The following LDHA variants were observed in gnomAD, a reference collection of about 807,000 sequenced individuals.
LDHA encodes L-lactate dehydrogenase A chain.
In LDHA, 10 loss-of-function variants were observed where a neutral mutation model predicts 36.3. The observed-to-expected ratio is 0.28, with a 90% CI of 0.17 to 0.47. LDHA has a LOEUF of 0.47. Among genes scored for constraint, LDHA ranks in the 20% least tolerant of loss-of-function variants. The probability of loss-of-function intolerance (pLI) is 0.99; values close to 1 mark genes in which losing one functional copy is unlikely to be tolerated. For missense variants in LDHA, 267 were observed against 405.8 expected, an observed-to-expected ratio of 0.66 and a Z score of 2.94; for synonymous variants, 110 against 136.7, an observed-to-expected ratio of 0.80 and a Z score of 1.36.
In LDHA at chr11:18,401,039, C is replaced by T. The variant is rs772003722; in HGVS notation, c.418+29C>T. The T allele has an allele frequency of 7.9e-6, 12 of 1,516,070 alleles. No homozygotes were observed. In the South Asian group the frequency reaches 1.2e-4, roughly 16 times the overall value. The allele number at this position is 1,516,070 out of a possible 1,614,324, so 93.9% of individuals were successfully genotyped here. A position where few individuals can be genotyped will look rare whatever the true frequency, so the allele number is the denominator to read the frequency against. ...AGGCTTTTGACTGCATAAAAATTGACAAGCTATAGTAAAACTGATAGTATA... is the reference window on the plus strand; with the variant it reads ...AGGCTTTTGACTGCATAAAAATTGATAAGCTATAGTAAAACTGATAGTATA... On this transcript the variant is annotated intron_variant, in intron 4 of 7. Transcript: ENST00000422447.
intron 1 of LDHA, chr11:18,396,195 C>G (rs991693077): frequency 4.3e-6 from 1 of 232,346 alleles, no homozygotes; most frequent in Non-Finnish European, 8.3e-6. Flanking sequence ...CTAGACTAAT[C>G]GGCTTCGCCC....
intron 1 of LDHA, chr11:18,395,182 T>C (rs1866251535): frequency 1.2e-5 from 2 of 163,396 alleles, no homozygotes; most frequent in Admixed American, 1.1e-4. Context: ...TGCGCATTTA[T>C]TAAGAAGCTA....
intron 2 of LDHA, 66 bp downstream of exon 2, chr11:18,397,034 C>G: frequency 7.3e-7 from 1 of 1,363,562 alleles, no homozygotes; most frequent in Admixed American, 1.7e-5. Flanking sequence ...CACTCCTACC[C>G]CTAGAACTGT....
At chr11:18,401,842 T>C (rs1866515882) in intron 4 of LDHA, among the ~76,000 whole-genome samples, 1 of 151,968 alleles carries the variant, frequency 6.6e-6, no homozygotes. Flanking sequence ...TTTTTGTTTT[T>C]TAATAATTTT....
chr11:18,402,964 C>T lies in LDHA; in HGVS notation c.543C>T (p.His181=), dbSNP rs751021921. 29 of 1,613,114 alleles carry T rather than the reference C, an allele frequency of 1.8e-5. 2 individuals carry two copies. In the South Asian group the frequency reaches 3.2e-4, roughly 18 times the overall value. ...TAATGGGGGAAAGGCTGGGAGTTCA[C>T]CCATTAAGCTGTCATGGGTGGGTCC... is the stretch of plus-strand genomic sequence containing the variant. ...RYLMGERLGV[H]PLSCHGWVLG... The change falls in exon 5 of 8, where the codon CAC becomes CAT. Residue 181 remains histidine, a synonymous_variant. Transcript: ENST00000422447.
chr11:18,399,745 C>T, intron 3 of LDHA, 197 bp downstream of exon 3: 1 of 566,422 alleles, frequency 1.8e-6, no homozygotes, highest in Non-Finnish European at 3.2e-6. Flanking sequence ...ATAGGGTATG[C>T]TACCATGCCC....
rs563227227 is a variant in LDHA at position 18,396,638 on chromosome 11, T to A, written c.-24-181T>A. The A allele has an allele frequency of 3.3e-5, 46 of 1,408,442 alleles. No homozygotes were observed. In the African/African-American group the frequency reaches 6.2e-4, roughly 19 times the overall value. 87.2% of individuals were successfully genotyped at this position (1,408,442 alleles called of 1,614,324 possible). A position where few individuals can be genotyped will look rare whatever the true frequency, so the allele number is the denominator to read the frequency against. On this transcript the variant is annotated intron_variant, in intron 1 of 7. Transcript: ENST00000422447. ...ATGGGCCTTCACTCTTCACAGACCCTGTCATTAGGCCTTTCAACTCTCTTT... is the reference window on the plus strand; with the variant it reads ...ATGGGCCTTCACTCTTCACAGACCCAGTCATTAGGCCTTTCAACTCTCTTT...
intron 2 of LDHA, among the ~76,000 whole-genome samples, chr11:18,398,382 C>G (rs1445566608): frequency 8.4e-6 from 1 of 118,420 alleles, no homozygotes; most frequent in African/African-American, 3.1e-5. Flanking sequence ...GGAAATCAGA[C>G]TTTTTAACTT....
In LDHA at chr11:18,401,961, T is replaced by C. The variant is rs1285719479; in HGVS notation, c.419-879T>C. ...TGTGAATAATTGTTATTCTCTTTTT[T>C]TTTTTTTTTTTTTTTGAGACAGTCT... On this transcript the variant is annotated intron_variant, in intron 4 of 7. Coordinates refer to ENST00000422447, the MANE Select transcript of LDHA (RefSeq NM_005566.4). Among the ~76,000 whole-genome samples the C allele has an allele frequency of 2.5e-4, 26 of 102,254 alleles. 1 individual carries two copies. The highest frequency in any genetic ancestry group is 5.1e-3 in the Middle Eastern group (1 of 196). The allele number at this position is 102,254 out of a possible 152,430, so 67.1% of individuals were successfully genotyped here.
chr11:18,402,825 TC>T lies in LDHA; in HGVS notation c.419-14del. The T allele has an allele frequency of 6.2e-7, 1 of 1,604,074 alleles. No homozygotes were observed. The highest frequency in any genetic ancestry group is 8.5e-7 in the Non-Finnish European group (1 of 1,170,958). On this transcript the variant is annotated splice_polypyrimidine_tract_variant and intron_variant, in intron 4 of 7. Coordinates refer to ENST00000422447, the MANE Select transcript of LDHA (RefSeq NM_005566.4). ...AGAGGATAATGGGTGATTTTTATTTTCTCCTTTTTCATAGTGGATATCTTGA... is the reference window on the plus strand; with the variant it reads ...AGAGGATAATGGGTGATTTTTATTTTTCCTTTTTCATAGTGGATATCTTGA...
At chr11:18,400,432 CACACACACACACACACA>C in intron 3 of LDHA, 4 of 2,178 alleles carry the variant, frequency 1.8e-3, no homozygotes, top group African/African-American at 5.3e-3. Flanking sequence ...ACCACCACCA[CACACACACACACACACA>C]CACACACACA....
At chr11:18,399,210 C>T (rs1463502748) in intron 2 of LDHA, 1 of 512,912 alleles carries the variant, frequency 1.9e-6, no homozygotes, top group Non-Finnish European at 3.5e-6. Context: ...GAGCTCGCTT[C>T]AGTGGGGAGA....
chr11:18,401,133 T>G, intron 4 of LDHA, 123 bp downstream of exon 4: 2 of 407,914 alleles, frequency 4.9e-6, no homozygotes, highest in East Asian at 1.6e-4. Context: ...AAAAATATTT[T>G]CGAATATTAT....
In LDHA at chr11:18,403,028, T is replaced by C. The variant is rs199536227; in HGVS notation, c.592+15T>C. The C allele has an allele frequency of 3.1e-6, 5 of 1,611,120 alleles. No homozygotes were observed. The East Asian group carries it at 8.9e-5, about 29-fold the overall frequency. ...AGATTCCAGTGGTAAGCATAAGTTA[T>C]TTTCTTTTTGTTTTTGAAAAGATTA... On this transcript the variant is annotated intron_variant, in intron 5 of 7. Coordinates refer to ENST00000422447, the MANE Select transcript of LDHA (RefSeq NM_005566.4).
intron 4 of LDHA, among the ~76,000 whole-genome samples, chr11:18,401,639 G>A (rs187251030): frequency 2.2e-4 from 34 of 151,140 alleles, no homozygotes; most frequent in African/African-American, 7.5e-4. Context: ...CACGACGCCT[G>A]GCTAATTTTT....
chr11:18,396,392 C>T (rs1472443786), intron 1 of LDHA: 1 of 405,254 alleles, frequency 2.5e-6, no homozygotes, highest in Non-Finnish European at 4.3e-6. Context: ...GCTCCTGTGC[C>T]TTGGGCTTGA....
At chr11:18,405,417 T>C in intron 6 of LDHA, 32 bp from the exon 7 acceptor site, 2 of 1,611,346 alleles carry the variant, frequency 1.2e-6, no homozygotes, top group Non-Finnish European at 1.7e-6. Flanking sequence ...CCCTGCTTTT[T>C]CTGCCTTTAC....
At chr11:18,396,564 G>T in intron 1 of LDHA, 1 of 1,365,190 alleles carries the variant, frequency 7.3e-7, no homozygotes. Flanking sequence ...GAACCCTCAG[G>T]AGGCTATACT....
chr11:18,402,490 G>A (rs1866542609), intron 4 of LDHA: 1 of 293,060 alleles, frequency 3.4e-6, no homozygotes, highest in Non-Finnish European at 6.6e-6. Context: ...TAGAGATGGG[G>A]TTTTGCTATG....
Sources: allele counts gnomAD v4.1 joint callset (sites outside exome capture counted in the v4.1 genomes callset), GRCh38; gene constraint gnomAD v4.1.1; transcripts MANE v1.5; gene names NCBI Gene and HGNC (gene_info 2026-07-23, HGNC 2026-07-21).